Variants in FTO observed in about 807,000 individuals in gnomAD.
The protein encoded by FTO is FTO alpha-ketoglutarate dependent dioxygenase, also known as alpha-ketoglutarate-dependent dioxygenase FTO.
Under a neutral mutation model 63.9 loss-of-function variants are expected in FTO, and 47 were observed. The ratio of observed to expected loss-of-function variants is 0.74; its 90% confidence interval spans 0.58 to 0.94. The LOEUF (loss-of-function observed/expected upper bound fraction) is 0.94, where lower values mean the gene tolerates loss of function less well. Ranked by LOEUF, FTO falls within the 40% of genes least tolerant of loss-of-function variation. FTO has a pLI of 0.00. For synonymous variants in FTO, 207 were observed against 224.4 expected, an observed-to-expected ratio of 0.92 and a Z score of 0.69; for missense variants, 562 against 618.1, an observed-to-expected ratio of 0.91 and a Z score of 0.96.
chr16:54,027,567 T>A (rs1434666413), intron 8 of FTO, among the ~76,000 whole-genome samples: 4 of 149,650 alleles, frequency 2.7e-5, no homozygotes, highest in African/African-American at 7.3e-5. Flanking sequence ...CCTAAAGATT[T>A]AAAAAAAAAA....
At chr16:53,877,432 C>T (rs1001220327) in intron 5 of FTO, among the ~76,000 whole-genome samples, 14 of 152,106 alleles carry the variant, frequency 9.2e-5, no homozygotes, top group African/African-American at 3.4e-4. Flanking sequence ...ATGGAAGCAA[C>T]CAGTCACAAA....
chr16:54,050,572 G>C (rs1309178384), intron 8 of FTO, among the ~76,000 whole-genome samples: 1 of 152,094 alleles, frequency 6.6e-6, no homozygotes, highest in African/African-American at 2.4e-5. Flanking sequence ...AATCCTTGCT[G>C]CTCCAGTCCA....
intron 1 of FTO, among the ~76,000 whole-genome samples, chr16:53,740,236 A>G (rs187305778): frequency 2.1e-4 from 32 of 152,334 alleles, no homozygotes; most frequent in Non-Finnish European, 4.0e-4. Flanking sequence ...TTGTGCCCAC[A>G]AAGCTGAATA....
chr16:53,786,693 G>A (rs781473077), intron 1 of FTO, among the ~76,000 whole-genome samples: 26 of 152,148 alleles, frequency 1.7e-4, no homozygotes, highest in Non-Finnish European at 3.5e-4. Flanking sequence ...GAGCATAAAA[G>A]CAAACTGAAA....
intron 1 of FTO, among the ~76,000 whole-genome samples, chr16:53,805,509 G>A (rs905949016): frequency 2.7e-5 from 4 of 148,262 alleles, no homozygotes; most frequent in Non-Finnish European, 4.4e-5. Context: ...GTGCAGTGGC[G>A]TGATCTCGGC....
intron 5 of FTO, among the ~76,000 whole-genome samples, chr16:53,879,212 A>G (rs1429479487): frequency 6.6e-6 from 1 of 152,216 alleles, no homozygotes; most frequent in East Asian, 1.9e-4. Flanking sequence ...TGTAGTATAT[A>G]TAGAAAATGT....
At chr16:53,924,347 C>T (rs1032853485) in intron 7 of FTO, among the ~76,000 whole-genome samples, 2 of 152,210 alleles carry the variant, frequency 1.3e-5, no homozygotes, top group African/African-American at 4.8e-5. Context: ...TCTCAGCTAG[C>T]CCCCTTAGCT....
At chr16:53,774,900 A>G (rs1391994240) in intron 1 of FTO, among the ~76,000 whole-genome samples, 3 of 152,160 alleles carry the variant, frequency 2.0e-5, no homozygotes, top group African/African-American at 7.2e-5. Context: ...GAGAACTACA[A>G]AGTGAATGGC....
intron 1 of FTO, among the ~76,000 whole-genome samples, chr16:53,726,264 C>G (rs1239609458): frequency 6.6e-6 from 1 of 152,178 alleles, no homozygotes; most frequent in African/African-American, 2.4e-5. Context: ...TATACACACA[C>G]TAATATTCAC....
rs537749538 is a variant in FTO at position 53,717,102 on chromosome 16, A to G, written c.45+12873A>G. 9.9e-5 allele frequency among the ~76,000 whole-genome samples: 15 copies of G among 152,022 alleles called. No individual in the cohort carries two copies. The South Asian group carries it at 2.9e-3, about 29-fold the overall frequency. ...TATCATAGGTTATCCTTTAGTGAACATTCTTGTACATAAATCTCTGCAAAT... is the reference window on the plus strand; with the variant it reads ...TATCATAGGTTATCCTTTAGTGAACGTTCTTGTACATAAATCTCTGCAAAT... On this transcript the variant is annotated intron_variant, in intron 1 of 8. Transcript: ENST00000471389.
intron 1 of FTO, among the ~76,000 whole-genome samples, chr16:53,713,363 C>G (rs919979471): frequency 6.6e-6 from 1 of 152,086 alleles, no homozygotes; most frequent in Non-Finnish European, 1.5e-5. Flanking sequence ...TAAAGTGTGA[C>G]TTTCTAACTT....
chr16:54,121,012 A>C lies in FTO; in HGVS notation c.*9097A>C, dbSNP rs1178955810. 6.6e-6 allele frequency: 1 copy of C among 152,604 alleles called. No individual in the cohort carries two copies. Among genetic ancestry groups the C allele is most frequent in the Non-Finnish European group, 1.5e-5 (1 of 68,060 alleles). The allele number at this position is 152,604 out of a possible 1,614,324, so 9.5% of individuals were successfully genotyped here. On this transcript the variant is annotated 3_prime_UTR_variant, in exon 9 of 9. Coordinates refer to ENST00000471389, the MANE Select transcript of FTO (RefSeq NM_001080432.3). ...AGTAAAATTGAAAGCTGGAGTCAGCAAAGTATAGCCCACAGCCAAATCTGG... is the reference window on the plus strand; with the variant it reads ...AGTAAAATTGAAAGCTGGAGTCAGCCAAGTATAGCCCACAGCCAAATCTGG...
At chr16:53,730,341 T>C (rs941702194) in intron 1 of FTO, among the ~76,000 whole-genome samples, 1 of 152,188 alleles carries the variant, frequency 6.6e-6, no homozygotes, top group Non-Finnish European at 1.5e-5. Context: ...ATCCAACATG[T>C]GATGTATCTT....
chr16:54,042,515 C>A (rs1407141983), intron 8 of FTO, among the ~76,000 whole-genome samples: 1 of 49,896 alleles, frequency 2.0e-5, no homozygotes, highest in Non-Finnish European at 3.1e-5. Context: ...TGCAAGGCGG[C>A]AACGAGGCTG....
chr16:53,789,540 T>G (rs1488479545), intron 1 of FTO, among the ~76,000 whole-genome samples: 1 of 152,158 alleles, frequency 6.6e-6, no homozygotes, highest in Non-Finnish European at 1.5e-5. Flanking sequence ...AAAAATCATG[T>G]ATGGTTGATC....
chr16:54,108,866 C>G (rs534634421), intron 8 of FTO, among the ~76,000 whole-genome samples: 33 of 152,270 alleles, frequency 2.2e-4, no homozygotes, highest in Non-Finnish European at 4.1e-4. Context: ...AGAACACACT[C>G]TTTACCACCA....
intron 8 of FTO, among the ~76,000 whole-genome samples, chr16:54,030,227 C>A (rs2084797589): frequency 6.6e-6 from 1 of 152,178 alleles, no homozygotes; most frequent in East Asian, 1.9e-4. Flanking sequence ...TTCTAGAATT[C>A]TGTCTACAAT....
intron 7 of FTO, among the ~76,000 whole-genome samples, chr16:53,909,954 T>G (rs2081645667): frequency 6.6e-6 from 1 of 152,116 alleles, no homozygotes; most frequent in Admixed American, 6.5e-5. Flanking sequence ...CATAGCTTAC[T>G]GCAGCCTCGA....
In FTO at chr16:53,860,131, T is replaced by C. The variant is rs975298337; in HGVS notation, c.896-13655T>C. ...CATACCCACACATATCCACACATAATGAAATATTACTCAGTCTTAAAAAAG... is the reference window on the plus strand; with the variant it reads ...CATACCCACACATATCCACACATAACGAAATATTACTCAGTCTTAAAAAAG... On this transcript the variant is annotated intron_variant, in intron 4 of 8. Coordinates refer to ENST00000471389, the MANE Select transcript of FTO (RefSeq NM_001080432.3). Among the ~76,000 whole-genome samples the C allele has an allele frequency of 6.6e-5, 10 of 151,922 alleles. No homozygotes were observed. The East Asian group carries it at 1.9e-3, about 29-fold the overall frequency.
Sources: allele counts gnomAD v4.1 joint callset (sites outside exome capture counted in the v4.1 genomes callset), GRCh38; gene constraint gnomAD v4.1.1; transcripts MANE v1.5; gene names NCBI Gene and HGNC (gene_info 2026-07-23, HGNC 2026-07-21).